Variants in CREB5 observed in about 807,000 individuals in gnomAD.
CREB5 encodes the protein cAMP responsive element binding protein 5.
CREB5 carries 19 observed loss-of-function variants against 57.1 expected under a neutral mutation model. The observed-to-expected ratio is 0.33, with a 90% CI of 0.23 to 0.49. CREB5 has a LOEUF of 0.49. Among genes scored for constraint, CREB5 ranks in the 20% least tolerant of loss-of-function variants. The pLI is 0.99. For missense variants in CREB5, 579 were observed against 671.6 expected (o/e 0.86, Z 1.52); for synonymous variants, 238 against 238.3 (o/e 1.00, Z 0.01).
chr7:28,412,118 G>A (rs886149825), upstream of CREB5, among the ~76,000 whole-genome samples: 1 of 152,298 alleles, frequency 6.6e-6, no homozygotes, highest in East Asian at 1.9e-4. Flanking sequence ...AAGGGGAAAA[G>A]CAAAGATAAT....
At chr7:28,467,433 A>G (rs1424806675) in intron 1 of CREB5, among the ~76,000 whole-genome samples, 3 of 152,162 alleles carry the variant, frequency 2.0e-5, no homozygotes, top group African/African-American at 7.2e-5. Flanking sequence ...AAAGAAAAAG[A>G]TGTAATACTT....
chr7:28,717,086 CTTTT>C (rs5883165), intron 5 of CREB5, among the ~76,000 whole-genome samples: 1 of 110,248 alleles, frequency 9.1e-6, no homozygotes. Context: ...GCTTTATATT[CTTTT>C]TTTTTTTTTT....
intron 7 of CREB5, among the ~76,000 whole-genome samples, chr7:28,741,727 G>A (rs111818132): frequency 1.2e-4 from 19 of 152,184 alleles, no homozygotes; most frequent in African/African-American, 1.9e-4. Context: ...GCAAGGGCAC[G>A]GATCTCCCAC....
rs1243991499 is a variant in CREB5 at position 28,819,217 on chromosome 7, G to A, written c.1465G>A (p.Val489Ile). 16 of 1,613,786 alleles carry A rather than the reference G, an allele frequency of 9.9e-6. No individual in the cohort carries two copies. The highest frequency in any genetic ancestry group is 1.3e-5 in the Non-Finnish European group (15 of 1,179,912). Residue 489 changes from valine (V) to isoleucine (I), a missense_variant, in exon 11 of 11, where the codon GTA becomes ATA. Transcript: ENST00000357727. ...ITTSSSVSEVVGSSTLSQLTT... is the reference protein window; with the variant it reads ...ITTSSSVSEVIGSSTLSQLTT... ...TACTTCCTCATCGGTCAGCGAGGTG[G>A]TAGGAAGCTCCACCCTCAGCCAGCT...
At chr7:28,635,331 AT>A (rs1428334283) in intron 5 of CREB5, among the ~76,000 whole-genome samples, 1 of 152,146 alleles carries the variant, frequency 6.6e-6, no homozygotes, top group Non-Finnish European at 1.5e-5. Flanking sequence ...TCTTACCCTC[AT>A]TTATTCCACT....
At chr7:28,692,642 G>A (rs1293445656) in intron 5 of CREB5, among the ~76,000 whole-genome samples, 5 of 152,104 alleles carry the variant, frequency 3.3e-5, no homozygotes, top group African/African-American at 9.7e-5. Flanking sequence ...GGTGGCACAT[G>A]CCTGTAATTC....
chr7:28,477,992 TG>T (rs1478797971), intron 1 of CREB5, among the ~76,000 whole-genome samples: 1 of 152,100 alleles, frequency 6.6e-6, no homozygotes, highest in Non-Finnish European at 1.5e-5. Flanking sequence ...TGCACACCTG[TG>T]GTGTCCCAAC....
At chr7:28,679,165 T>C (rs1048252335) in intron 5 of CREB5, among the ~76,000 whole-genome samples, 1 of 151,824 alleles carries the variant, frequency 6.6e-6, no homozygotes, top group Non-Finnish European at 1.5e-5. Flanking sequence ...AGGGCCTTTA[T>C]GTGGAATTGC....
intron 4 of CREB5, among the ~76,000 whole-genome samples, chr7:28,551,919 T>G (rs373969813): frequency 6.1e-5 from 9 of 147,840 alleles, no homozygotes; most frequent in African/African-American, 2.1e-4. Flanking sequence ...TTCTTTCTCT[T>G]TTTTCTTTCT....
At chr7:28,497,252 GA>G (rs1049802457) in intron 3 of CREB5, among the ~76,000 whole-genome samples, 2 of 152,212 alleles carry the variant, frequency 1.3e-5, no homozygotes, top group African/African-American at 4.8e-5. Context: ...AAGAGCAGCT[GA>G]AGATGTGTGA....
chr7:28,742,913 G>T (rs1051786401), intron 7 of CREB5, among the ~76,000 whole-genome samples: 1 of 152,092 alleles, frequency 6.6e-6, no homozygotes, highest in Non-Finnish European at 1.5e-5. Flanking sequence ...CTCCTGAGTA[G>T]CTGGGATTAC....
chr7:28,655,918 A>T (rs181953138), intron 5 of CREB5, among the ~76,000 whole-genome samples: 30 of 152,324 alleles, frequency 2.0e-4, no homozygotes, highest in African/African-American at 6.0e-4. Context: ...TAACAGGAAT[A>T]ACAGGATTTA....
intron 5 of CREB5, among the ~76,000 whole-genome samples, chr7:28,642,951 TACACACACACACACACACACACACAC>T (rs751628412): frequency 6.7e-5 from 6 of 89,668 alleles, no homozygotes; most frequent in African/African-American, 2.8e-4. Flanking sequence ...AGGGTAGATT[TACACACACACACACACACACACACAC>T]ACACACACAT....
chr7:28,673,416 C>A (rs1800147457), intron 5 of CREB5, among the ~76,000 whole-genome samples: 1 of 152,174 alleles, frequency 6.6e-6, no homozygotes, highest in African/African-American at 2.4e-5. Context: ...CCCAAACTGC[C>A]CTGGGACCCT....
intron 1 of CREB5, among the ~76,000 whole-genome samples, chr7:28,360,808 T>A (rs970046823): frequency 1.3e-5 from 2 of 152,204 alleles, no homozygotes; most frequent in Non-Finnish European, 2.9e-5. Context: ...GCAGTTTGTG[T>A]TCTGGGTTGG....
chr7:28,560,869 C>CGT (rs1554344338), intron 4 of CREB5, among the ~76,000 whole-genome samples: 595 of 28,536 alleles, frequency 0.021, 60 homozygotes, highest in African/African-American at 0.072. Flanking sequence ...CGTGTGCCTG[C>CGT]GTGCGCGTGC....
chr7:28,521,411 G>A (rs1793202572), intron 4 of CREB5, among the ~76,000 whole-genome samples: 1 of 152,162 alleles, frequency 6.6e-6, no homozygotes, highest in Non-Finnish European at 1.5e-5. Context: ...TCTGCCCCAA[G>A]AACAGGTCCC....
At position 28,820,879 on chromosome 7, in the gene CREB5, T is replaced by TGAGC. The variant is rs1433166477; in HGVS notation, c.*1601_*1604dup. 6.6e-6 allele frequency: 1 copy of TGAGC among 152,444 alleles called. No homozygotes were observed. Among genetic ancestry groups the TGAGC allele is most frequent in the Non-Finnish European group, 1.5e-5 (1 of 68,038 alleles). The allele number at this position is 152,444 out of a possible 1,614,324, so 9.4% of individuals were successfully genotyped here. Reference sequence around the variant, plus strand: ...TCCCAAAGTGTTGGGATTATAGGTGTGAGCCACTGCACCCAGCCTACTTCA... The same window carrying TGAGC: ...TCCCAAAGTGTTGGGATTATAGGTGTGAGCGAGCCACTGCACCCAGCCTACTTCA... On this transcript the variant is annotated 3_prime_UTR_variant, in exon 11 of 11. Coordinates refer to ENST00000357727, the MANE Select transcript of CREB5 (RefSeq NM_182898.4).
intron 5 of CREB5, among the ~76,000 whole-genome samples, chr7:28,668,858 C>T (rs1415040372): frequency 2.6e-5 from 4 of 152,146 alleles, no homozygotes; most frequent in African/African-American, 4.8e-5. Flanking sequence ...TCACAATGCT[C>T]TGTCCACGGC....
Sources: allele counts gnomAD v4.1 joint callset (sites outside exome capture counted in the v4.1 genomes callset), GRCh38; gene constraint gnomAD v4.1.1; transcripts MANE v1.5; gene names NCBI Gene and HGNC (gene_info 2026-07-23, HGNC 2026-07-21).